LY86: variants seen among roughly 807,000 people sequenced by gnomAD.
LY86 encodes the protein MD-1, RP105-associated.
In LY86, 20 loss-of-function variants were observed where a neutral mutation model predicts 17.3. That is an observed-to-expected ratio of 1.15 (90% CI 0.81 to 1.68). The LOEUF is 1.68. Among genes scored for constraint, LY86 ranks in the 40% most tolerant of loss-of-function variants. LY86 has a pLI of 0.00. For synonymous variants in LY86, 74 were observed against 70.6 expected, an observed-to-expected ratio of 1.05 and a Z score of -0.24; for missense variants, 200 against 191.9, an observed-to-expected ratio of 1.04 and a Z score of -0.25.
intron 1 of LY86, among the ~76,000 whole-genome samples, chr6:6,616,518 G>A: frequency 6.6e-6 from 1 of 152,146 alleles, no homozygotes; most frequent in Non-Finnish European, 1.5e-5. Context: ...CCACTCTCAA[G>A]ACTAATGAGA....
At chr6:6,602,957 C>T (rs886359446) in intron 1 of LY86, among the ~76,000 whole-genome samples, 2 of 152,098 alleles carry the variant, frequency 1.3e-5, no homozygotes, top group African/African-American at 2.4e-5. Context: ...TACTTTAGAT[C>T]GTGTAACTCA....
Position 6,613,322 on chromosome 6 carries a change from C to T in LY86, c.137-11604C>T, listed in dbSNP as rs770409182. 3.2e-4 allele frequency among the ~76,000 whole-genome samples: 48 copies of T among 152,212 alleles called. 1 individual carries two copies. Among genetic ancestry groups the T allele is most frequent in the Non-Finnish European group, 6.2e-4 (42 of 68,034 alleles). On this transcript the variant is annotated intron_variant, in intron 1 of 4. Coordinates refer to ENST00000230568, the MANE Select transcript of LY86 (RefSeq NM_004271.4). ...GTCTAGGGGACGGAGCGCTATGGAG[C>T]AGGGTGGCGCTGCTCGTCGGGGAGG...
intron 1 of LY86, chr6:6,620,721 G>A (rs911963214): frequency 6.6e-6 from 1 of 152,298 alleles, no homozygotes; most frequent in Non-Finnish European, 1.5e-5. Context: ...GCCCAGCCTA[G>A]GCCACTAATG....
chr6:6,593,733 G>A (rs1343577280), intron 1 of LY86, among the ~76,000 whole-genome samples: 2 of 152,194 alleles, frequency 1.3e-5, no homozygotes, highest in African/African-American at 2.4e-5. Context: ...CCTGATATAG[G>A]GATGAGCGAT....
chr6:6,595,496 G>T (rs1025035308), intron 1 of LY86, among the ~76,000 whole-genome samples: 24 of 151,912 alleles, frequency 1.6e-4, no homozygotes, highest in African/African-American at 5.1e-4. Context: ...ATCTCCTGAT[G>T]AAAGAATGGC....
chr6:6,606,921 C>T (rs1241501167), intron 1 of LY86, among the ~76,000 whole-genome samples: 4 of 152,254 alleles, frequency 2.6e-5, no homozygotes, highest in Admixed American at 6.5e-5. Context: ...ACAGAGTGGG[C>T]ACCGAGGCCG....
At chr6:6,613,892 A>T (rs115712772) in intron 1 of LY86, among the ~76,000 whole-genome samples, 1 of 152,258 alleles carries the variant, frequency 6.6e-6, no homozygotes, top group Non-Finnish European at 1.5e-5. Flanking sequence ...AGTGCAGTGT[A>T]AAGAGCGAAG....
chr6:6,623,660 CA>C (rs1333440756), intron 1 of LY86, among the ~76,000 whole-genome samples: 3 of 152,176 alleles, frequency 2.0e-5, no homozygotes, highest in African/African-American at 7.2e-5. Context: ...TACTGTGGAT[CA>C]GACTGTGAGG....
intron 1 of LY86, among the ~76,000 whole-genome samples, chr6:6,607,355 A>T (rs987640215): frequency 3.3e-5 from 5 of 152,374 alleles, no homozygotes; most frequent in Non-Finnish European, 7.3e-5. Context: ...ATACATACTT[A>T]TATACCAAGG....
chr6:6,613,587 C>A (rs1003220102), intron 1 of LY86, among the ~76,000 whole-genome samples: 1 of 152,178 alleles, frequency 6.6e-6, no homozygotes, highest in Admixed American at 6.5e-5. Context: ...CGCTCTGGCC[C>A]GCAAGCGCCG....
At chr6:6,650,958 T>C (rs922195808) in intron 4 of LY86, among the ~76,000 whole-genome samples, 1 of 152,188 alleles carries the variant, frequency 6.6e-6, no homozygotes, top group Non-Finnish European at 1.5e-5. Flanking sequence ...CCACAGATAA[T>C]TGAGAATAAA....
chr6:6,617,241 A>C (rs546106688), intron 1 of LY86, among the ~76,000 whole-genome samples: 73 of 152,284 alleles, frequency 4.8e-4, no homozygotes, highest in Non-Finnish European at 8.8e-4. Flanking sequence ...GGCCTGGTCA[A>C]AATGCTCCTT....
At chr6:6,644,631 A>G (rs1316852181) in intron 3 of LY86, among the ~76,000 whole-genome samples, 1 of 147,730 alleles carries the variant, frequency 6.8e-6, no homozygotes, top group Non-Finnish European at 1.5e-5. Context: ...CTCAGTGACA[A>G]TCACCCAAAG....
intron 1 of LY86, among the ~76,000 whole-genome samples, chr6:6,600,586 TCAAAAAAAAAAAA>T (rs1760870800): frequency 2.1e-5 from 1 of 47,926 alleles, no homozygotes. Flanking sequence ...TGAGACTCCA[TCAAAAAAAAAAAA>T]AAAAAAAAAA....
intron 3 of LY86, among the ~76,000 whole-genome samples, chr6:6,633,919 C>T (rs1761929344): frequency 6.6e-6 from 1 of 151,984 alleles, no homozygotes; most frequent in Non-Finnish European, 1.5e-5. Flanking sequence ...TGTGTGTATA[C>T]ACTGAGTGTA....
At chr6:6,603,934 T>C (rs911669995) in intron 1 of LY86, among the ~76,000 whole-genome samples, 6 of 152,238 alleles carry the variant, frequency 3.9e-5, no homozygotes, top group Admixed American at 2.0e-4. Flanking sequence ...AAAAAACTTA[T>C]CTAACTCTGC....
chr6:6,635,269 A>T (rs554546788), intron 3 of LY86, among the ~76,000 whole-genome samples: 1 of 152,364 alleles, frequency 6.6e-6, no homozygotes, highest in South Asian at 2.1e-4. Flanking sequence ...TTTTATATTT[A>T]CTATTTTCCC....
rs1156281351 is a variant in LY86 at position 6,649,644 on chromosome 6, G to A, written c.372G>A (p.Gly124=). The change falls in exon 4 of 5, where the codon GGG becomes GGA. Residue 124 remains glycine (G), a synonymous_variant. Coordinates refer to ENST00000230568, the MANE Select transcript of LY86 (RefSeq NM_004271.4). ...TTTCAGAGCAGATTTACTATGCTGG[G>A]CCTGTCAATAATCCTGAATTTACTA... ...RRKGEQIYYA[G]PVNNPEFTIP... is the part of the protein sequence containing the mutation. The A allele has an allele frequency of 7.0e-6, 11 of 1,573,196 alleles. No individual in the cohort carries two copies. Among genetic ancestry groups the A allele is most frequent in the Admixed American group, 6.8e-5 (4 of 58,680 alleles).
Position 6,588,868 on chromosome 6 carries a change from G to T in LY86, c.134G>T (p.Cys45Phe). Reference protein sequence around the residue: ...DSGLEVLYQSCDPLQDFGFSV... With the variant: ...DSGLEVLYQSFDPLQDFGFSV... ...GGCTTGGAAGTGCTCTACCAGAGTT[G>T]CGGTAAGCCCTTGCAGTACACCCAT... Residue 45 changes from cysteine to phenylalanine, a missense_variant and splice_region_variant, in exon 1 of 5, where the codon TGC (cysteine) becomes TTC (phenylalanine). Cys to Phe is a radical substitution (Grantham distance 205, BLOSUM62 -2). Transcript: ENST00000230568. 6.2e-7 allele frequency: 1 copy of T among 1,613,936 alleles called. No homozygotes were observed. Among genetic ancestry groups the T allele is most frequent in the South Asian group, 1.1e-5 (1 of 91,076 alleles).
Sources: allele counts gnomAD v4.1 joint callset (sites outside exome capture counted in the v4.1 genomes callset), GRCh38; gene constraint gnomAD v4.1.1; transcripts MANE v1.5; gene names NCBI Gene and HGNC (gene_info 2026-07-23, HGNC 2026-07-21).